ENPP3: variants seen among roughly 807,000 people sequenced by gnomAD.
ENPP3 encodes the protein ectonucleotide pyrophosphatase/phosphodiesterase 3.
In ENPP3, 104 loss-of-function variants were observed where a neutral mutation model predicts 117.8. That is an observed-to-expected ratio of 0.88 (90% CI 0.75 to 1.04). ENPP3 has a LOEUF of 1.04. Among genes scored for constraint, ENPP3 ranks in the 50% least tolerant of loss-of-function variants. The pLI is 0.00. For missense variants in ENPP3, 1,026 were observed against 1,051.9 expected, an observed-to-expected ratio of 0.98 and a Z score of 0.34; for synonymous variants, 380 against 349.9, an observed-to-expected ratio of 1.09 and a Z score of -0.96.
Position 131,746,996 on chromosome 6 carries a change from G to C in ENPP3, c.*40G>C, listed in dbSNP as rs1191905361. 2 of 1,168,730 alleles carry C rather than the reference G, an allele frequency of 1.7e-6. No homozygotes were observed. The highest frequency in any genetic ancestry group is 2.3e-6 in the Non-Finnish European group (2 of 867,126). 72.4% of individuals were successfully genotyped at this position (1,168,730 alleles called of 1,614,324 possible). On this transcript the variant is annotated 3_prime_UTR_variant, in exon 25 of 25. Transcript: ENST00000357639. ...CTTAATATATAATTTACTGTATAAAGTAATTTTGGCAAAATATAAGTGATT... is the reference window on the plus strand; with the variant it reads ...CTTAATATATAATTTACTGTATAAACTAATTTTGGCAAAATATAAGTGATT...
chr6:131,647,566 T>A (rs1778177453), intron 2 of ENPP3, among the ~76,000 whole-genome samples: 1 of 152,170 alleles, frequency 6.6e-6, no homozygotes, highest in African/African-American at 2.4e-5. Flanking sequence ...TTAATAAATG[T>A]CTATGTATTC....
At chr6:131,692,133 A>G (rs1365931445) in intron 14 of ENPP3, among the ~76,000 whole-genome samples, 1 of 152,122 alleles carries the variant, frequency 6.6e-6, no homozygotes, top group African/African-American at 2.4e-5. Context: ...GTTAATATAT[A>G]TGATATATTG....
Position 131,641,437 on chromosome 6 carries a change from T to A in ENPP3, c.79-18T>A. 1.3e-6 allele frequency: 2 copies of A among 1,579,388 alleles called. No individual in the cohort carries two copies. The highest frequency in any genetic ancestry group is 1.7e-6 in the Non-Finnish European group (2 of 1,150,546). On this transcript the variant is annotated intron_variant, in intron 1 of 24. Coordinates refer to ENST00000357639, the MANE Select transcript of ENPP3 (RefSeq NM_005021.5). ...TTTTTAAAAAATTATAAAAGTTACTTTTTCCTTTTTGCAATAGGTTCTTCT... is the reference window on the plus strand; with the variant it reads ...TTTTTAAAAAATTATAAAAGTTACTATTTCCTTTTTGCAATAGGTTCTTCT...
chr6:131,646,364 T>C (rs1331823361), intron 2 of ENPP3, among the ~76,000 whole-genome samples: 1 of 152,058 alleles, frequency 6.6e-6, no homozygotes, highest in Non-Finnish European at 1.5e-5. Context: ...CAAGTTTTTC[T>C]TTGATGTTGT....
intron 15 of ENPP3, among the ~76,000 whole-genome samples, chr6:131,701,803 TC>T (rs1432104410): frequency 2.0e-5 from 3 of 147,458 alleles, no homozygotes; most frequent in Non-Finnish European, 4.4e-5. Flanking sequence ...AATTGCTTGA[TC>T]CCAGGAGGCG....
intron 2 of ENPP3, among the ~76,000 whole-genome samples, chr6:131,644,485 T>G (rs1204902218): frequency 6.6e-6 from 1 of 152,090 alleles, no homozygotes; most frequent in Non-Finnish European, 1.5e-5. Flanking sequence ...GTAGATAGAT[T>G]TTATTGAAAG....
At chr6:131,676,249 G>GTT (rs202004046) in intron 9 of ENPP3, among the ~76,000 whole-genome samples, 81 of 139,146 alleles carry the variant, frequency 5.8e-4, no homozygotes, top group African/African-American at 1.5e-3. Flanking sequence ...CTCTGCTCTA[G>GTT]TTTTTTTTTT....
intron 20 of ENPP3, among the ~76,000 whole-genome samples, chr6:131,727,667 T>C (rs1022945579): frequency 6.6e-6 from 1 of 150,748 alleles, no homozygotes; most frequent in Non-Finnish European, 1.5e-5. Flanking sequence ...CTCAGCACAA[T>C]AGAATTGTCC....
chr6:131,650,955 T>G (rs1168894115), intron 3 of ENPP3, among the ~76,000 whole-genome samples: 2 of 152,166 alleles, frequency 1.3e-5, no homozygotes, highest in African/African-American at 4.8e-5. Flanking sequence ...AGTCTCACTT[T>G]GTTGCCCAGG....
chr6:131,662,171 A>G (rs797012196), intron 6 of ENPP3, among the ~76,000 whole-genome samples: 13 of 152,024 alleles, frequency 8.6e-5, no homozygotes, highest in African/African-American at 2.9e-4. Flanking sequence ...CCCATTGTGT[A>G]TTCTTCTTGG....
At chr6:131,741,636 C>A (rs920202029) in intron 24 of ENPP3, among the ~76,000 whole-genome samples, 4 of 152,090 alleles carry the variant, frequency 2.6e-5, no homozygotes, top group Admixed American at 6.6e-5. Context: ...TGATTGGATA[C>A]AAGAGCCCCC....
intron 17 of ENPP3, among the ~76,000 whole-genome samples, chr6:131,721,262 G>C (rs1251408050): frequency 2.0e-5 from 3 of 152,162 alleles, no homozygotes; most frequent in African/African-American, 7.2e-5. Flanking sequence ...TTAGAAATTT[G>C]GACATAAACA....
intron 15 of ENPP3, among the ~76,000 whole-genome samples, chr6:131,717,349 GGGGT>G (rs1245197047): frequency 0.014 from 1,795 of 126,722 alleles, 35 homozygotes; most frequent in Middle Eastern, 0.02. Flanking sequence ...AACCCTGCGG[GGGGT>G]GTGTGTGTGT....
rs1779027168 is a variant in ENPP3, at chr6:131,681,699, T to G, written c.1012-1355T>G. On this transcript the variant is annotated intron_variant, in intron 11 of 24. Transcript: ENST00000357639. ...GTCAATAGTACTTTGATATATTTCC[T>G]TATAGTTTTCTGTGTATGCATGTTT... Among the ~76,000 whole-genome samples, 5 of 152,230 alleles carry G rather than the reference T, an allele frequency of 3.3e-5. No individual in the cohort carries two copies. In the South Asian group the frequency reaches 1.0e-3, roughly 31 times the overall value.
chr6:131,744,009 T>C (rs1307851953), intron 24 of ENPP3, among the ~76,000 whole-genome samples: 1 of 152,148 alleles, frequency 6.6e-6, no homozygotes, highest in Non-Finnish European at 1.5e-5. Flanking sequence ...ATAAAATAGA[T>C]GGCTGGCTTT....
chr6:131,650,253 T>A (rs1254787091), intron 3 of ENPP3, 104 bp downstream of exon 3: 3 of 1,274,742 alleles, frequency 2.4e-6, no homozygotes, highest in East Asian at 2.4e-5. Flanking sequence ...AGAGTGTCAC[T>A]CTGTTGCCTA....
intron 24 of ENPP3, among the ~76,000 whole-genome samples, chr6:131,741,203 G>A (rs1456752195): frequency 6.6e-6 from 1 of 152,100 alleles, no homozygotes; most frequent in African/African-American, 2.4e-5. Flanking sequence ...TGGAACTTAG[G>A]TTTTACTGAA....
chr6:131,737,787 C>T (rs550577349), intron 22 of ENPP3, among the ~76,000 whole-genome samples: 1 of 152,196 alleles, frequency 6.6e-6, no homozygotes, highest in African/African-American at 2.4e-5. Context: ...CAACTCAGCC[C>T]TAGGGAGAAA....
intron 15 of ENPP3, chr6:131,711,103 A>T: frequency 6.6e-7 from 1 of 1,516,366 alleles, no homozygotes; most frequent in Middle Eastern, 2.4e-4. Context: ...CTGGAACCCG[A>T]ATGCGCACGT....
Sources: gnomAD v4.1 joint callset for allele counts (sites outside exome capture counted in the v4.1 genomes callset) on GRCh38, gnomAD v4.1.1 for gene constraint, MANE v1.5 for transcripts, NCBI Gene and HGNC (gene_info 2026-07-23, HGNC 2026-07-21) for gene names.